The following PPP2R2A variants were observed in gnomAD, a reference collection of about 807,000 sequenced individuals.
PPP2R2A encodes the protein serine/threonine-protein phosphatase 2A 55 kDa regulatory subunit B alpha isoform.
In PPP2R2A, 9 loss-of-function variants were observed where a neutral mutation model predicts 53.2. The ratio of observed to expected loss-of-function variants is 0.17; its 90% CI spans 0.10 to 0.30. The LOEUF is 0.30. Ranked by LOEUF, PPP2R2A falls within the 10% of genes least tolerant of loss-of-function variation. The pLI, the probability that PPP2R2A is intolerant of heterozygous loss-of-function variation, is 1.00. For synonymous variants in PPP2R2A, 169 were observed against 174.2 expected (o/e 0.97, Z 0.23); for missense variants, 235 against 534.6 (o/e 0.44, Z 5.53).
chr8:26,362,062 T>TC lies in PPP2R2A; in HGVS notation c.638-622_638-621insC, dbSNP rs1805125475. ...AATCTTAAGATTAGATTAAGATTAA[T>TC]TTTAAGATTAGAAAAAGATTAATAA... On this transcript the variant is annotated intron_variant, in intron 6 of 9. Coordinates refer to ENST00000380737, the MANE Select transcript of PPP2R2A (RefSeq NM_002717.4). The surrounding 1 kb of genome is among the most constrained non-coding windows in gnomAD (Gnocchi z 4.4). Among the ~76,000 whole-genome samples, 1 of 149,962 alleles carries TC rather than the reference T, an allele frequency of 6.7e-6. No homozygotes were observed. Among genetic ancestry groups the TC allele is most frequent in the African/African-American group, 2.4e-5 (1 of 41,066 alleles).
At position 26,363,816 on chromosome 8, in the gene PPP2R2A, A is replaced by G. The variant is rs1471218322; in HGVS notation, c.898A>G (p.Met300Val). The G allele has an allele frequency of 2.5e-6, 4 of 1,608,838 alleles. No individual in the cohort carries two copies. Among genetic ancestry groups the G allele is most frequent in the African/African-American group, 1.3e-5 (1 of 74,898 alleles). ...AAAATTCAGCCATAGTGGTCGATATATGATGACTAGAGACTATTTGTCAGT... is the reference window on the plus strand; with the variant it reads ...AAAATTCAGCCATAGTGGTCGATATGTGATGACTAGAGACTATTTGTCAGT... ...DVKFSHSGRY[M>V]MTRDYLSVKI... The change falls in exon 8 of 10, where the codon ATG becomes GTG. Residue 300 changes from methionine (M) to valine (V), a missense_variant. Transcript: ENST00000380737.
At chr8:26,329,660 A>G (rs1329706587) in intron 2 of PPP2R2A, among the ~76,000 whole-genome samples, 2 of 152,210 alleles carry the variant, frequency 1.3e-5, no homozygotes. Context: ...TGGTCTGCAT[A>G]GCTTAGAATA....
chr8:26,312,506 G>T (rs1240011911), intron 2 of PPP2R2A, among the ~76,000 whole-genome samples: 1 of 152,140 alleles, frequency 6.6e-6, no homozygotes, highest in Admixed American at 6.5e-5. Context: ...TTTTTACTCA[G>T]CATTTTTGAC....
At position 26,291,792 on chromosome 8, in the gene PPP2R2A, C is replaced by T. The variant is rs778305215; in HGVS notation, c.-28C>T. The T allele has an allele frequency of 1.9e-6, 3 of 1,600,918 alleles. No homozygotes were observed. The highest frequency in any genetic ancestry group is 4.7e-5 in the East Asian group (2 of 42,868). ...TCAGGAAGCGGAGACCCCGAGGAAC[C>T]CAGCAGGGTCACCATTTGCAGCGCA... On this transcript the variant is annotated 5_prime_UTR_variant, in exon 1 of 10. Transcript: ENST00000380737.
chr8:26,324,565 G>C (rs936705267), intron 2 of PPP2R2A, among the ~76,000 whole-genome samples: 3 of 152,222 alleles, frequency 2.0e-5, no homozygotes, highest in Admixed American at 2.0e-4. Flanking sequence ...CCCTCATGGA[G>C]AACCTCTGCT....
chr8:26,315,224 A>AAT (rs1236294623), intron 2 of PPP2R2A, among the ~76,000 whole-genome samples: 3 of 152,086 alleles, frequency 2.0e-5, no homozygotes, highest in African/African-American at 7.2e-5. Context: ...TGAGGTAGTA[A>AAT]GAGTAAATTA....
intron 3 of PPP2R2A, among the ~76,000 whole-genome samples, chr8:26,351,327 C>T (rs1242823188): frequency 1.3e-5 from 2 of 151,940 alleles, no homozygotes; most frequent in Admixed American, 6.6e-5. Flanking sequence ...TGGTCCCTGT[C>T]TCCATGGCCC....
chr8:26,366,650 G>C (rs1283665463), intron 9 of PPP2R2A, among the ~76,000 whole-genome samples: 1 of 151,980 alleles, frequency 6.6e-6, no homozygotes, highest in Non-Finnish European at 1.5e-5. Context: ...TTATGAACCA[G>C]ATCACATTTC....
At chr8:26,337,474 C>T (rs1263727643) in intron 2 of PPP2R2A, among the ~76,000 whole-genome samples, 1 of 152,186 alleles carries the variant, frequency 6.6e-6, no homozygotes, top group Non-Finnish European at 1.5e-5. Context: ...CCCAGTTGTA[C>T]TCTAATGTGC....
At chr8:26,344,498 G>A (rs1210423363) in intron 3 of PPP2R2A, among the ~76,000 whole-genome samples, 1 of 152,168 alleles carries the variant, frequency 6.6e-6, no homozygotes, top group Non-Finnish European at 1.5e-5. Context: ...GTGATCCTTA[G>A]ACTTTTTAAT....
At chr8:26,348,338 A>C (rs551125823) in intron 3 of PPP2R2A, among the ~76,000 whole-genome samples, 1 of 152,368 alleles carries the variant, frequency 6.6e-6, no homozygotes, top group East Asian at 1.9e-4. Context: ...TTCCTAACCC[A>C]AAATCCAAAG....
At chr8:26,361,601 GTC>G in intron 6 of PPP2R2A, among the ~76,000 whole-genome samples, 1 of 151,728 alleles carries the variant, frequency 6.6e-6, no homozygotes, top group South Asian at 2.1e-4. Flanking sequence ...GCAACACCCT[GTC>G]TCTAAAAAAA....
At chr8:26,328,889 C>T (rs1803227760) in intron 2 of PPP2R2A, among the ~76,000 whole-genome samples, 1 of 152,136 alleles carries the variant, frequency 6.6e-6, no homozygotes, top group Admixed American at 6.5e-5. Flanking sequence ...CTCATTACTA[C>T]AAGTGATCTT....
Position 26,372,069 on chromosome 8 carries a change from G to A in PPP2R2A, c.*1656G>A, listed in dbSNP as rs529870099. Reference sequence around the variant, plus strand: ...ATAATGAAAAAGAATTCAACGAGCCGACCGTGATTCCCTCTACTACAAATA... The same window carrying A: ...ATAATGAAAAAGAATTCAACGAGCCAACCGTGATTCCCTCTACTACAAATA... On this transcript the variant is annotated 3_prime_UTR_variant, in exon 10 of 10. Coordinates refer to ENST00000380737, the MANE Select transcript of PPP2R2A (RefSeq NM_002717.4). The A allele has an allele frequency of 1.3e-5, 2 of 152,204 alleles. No individual in the cohort carries two copies. Among genetic ancestry groups the A allele is most frequent in the East Asian group, 1.9e-4 (1 of 5,190 alleles). The allele number at this position is 152,204 out of a possible 1,614,324, so 9.4% of individuals were successfully genotyped here.
At chr8:26,325,284 G>T (rs753167916) in intron 2 of PPP2R2A, among the ~76,000 whole-genome samples, 2 of 151,888 alleles carry the variant, frequency 1.3e-5, no homozygotes, top group Admixed American at 1.3e-4. Flanking sequence ...TGCTATTCTC[G>T]TGATAGTAAG....
chr8:26,331,947 G>C (rs548622093), intron 2 of PPP2R2A, among the ~76,000 whole-genome samples: 6 of 152,294 alleles, frequency 3.9e-5, no homozygotes, highest in Admixed American at 3.9e-4. Context: ...TCACTGTAAA[G>C]CCTAATTATA....
intron 2 of PPP2R2A, among the ~76,000 whole-genome samples, chr8:26,319,476 A>G (rs925348632): frequency 1.5e-4 from 23 of 152,052 alleles, no homozygotes; most frequent in Non-Finnish European, 3.2e-4. Flanking sequence ...CTTTTTTTAT[A>G]AGAATTTTAT....
rs1042966489 is a variant in PPP2R2A, at chr8:26,362,083, A to G, written c.638-601A>G. Among the ~76,000 whole-genome samples the G allele has an allele frequency of 1.7e-4, 26 of 150,792 alleles. No homozygotes were observed. The highest frequency in any genetic ancestry group is 6.3e-4 in the African/African-American group (26 of 41,228). On this transcript the variant is annotated intron_variant, in intron 6 of 9. Transcript: ENST00000380737. This position sits in a 1 kb window ranked among gnomAD's most constrained non-coding sequence, Gnocchi z 4.4. ...TTAATTTTAAGATTAGAAAAAGATTAATAATTAGATTAGATTAGAAAAAGA... is the reference window on the plus strand; with the variant it reads ...TTAATTTTAAGATTAGAAAAAGATTGATAATTAGATTAGATTAGAAAAAGA...
chr8:26,323,055 A>T (rs7000072), intron 2 of PPP2R2A, among the ~76,000 whole-genome samples: 149,922 of 152,320 alleles, frequency 0.98, 73,793 homozygotes, highest in East Asian at 1. Flanking sequence ...TACTCACTAG[A>T]AGTTCCTGTG....
Sources: allele counts gnomAD v4.1 joint callset (sites outside exome capture counted in the v4.1 genomes callset), GRCh38; gene constraint gnomAD v4.1.1; non-coding constraint Gnocchi (gnomAD v3.1); transcripts MANE v1.5; gene names NCBI Gene and HGNC (gene_info 2026-07-23, HGNC 2026-07-21).